Variants in KCNQ1 observed in about 807,000 individuals in gnomAD.
KCNQ1 encodes the protein potassium voltage-gated channel subfamily Q member 1, also known as potassium voltage-gated channel subfamily KQT member 1.
Under a neutral mutation model 72.4 loss-of-function variants are expected in KCNQ1, and 49 were observed. That is an observed-to-expected ratio of 0.68 (90% CI 0.54 to 0.86). The LOEUF is 0.86. Among genes scored for constraint, KCNQ1 ranks in the 40% least tolerant of loss-of-function variants. KCNQ1 has a pLI of 0.00. For missense variants in KCNQ1, 790 were observed against 945.1 expected (o/e 0.84, Z 2.15); for synonymous variants, 450 against 412.6 (o/e 1.09, Z -1.10).
rs1375762148 is a variant in KCNQ1, at chr11:2,593,605, A to G, written c.1393+4751A>G. 6.6e-6 allele frequency among the ~76,000 whole-genome samples: 1 copy of G among 152,182 alleles called. No individual in the cohort carries two copies. Among genetic ancestry groups the G allele is most frequent in the East Asian group, 1.9e-4 (1 of 5,182 alleles). Reference sequence around the variant, plus strand: ...GGGGCAGCGTGCTGGAGGAGCATGCATCACATACCCAGAGGTCCCCAGTGT... The same window carrying G: ...GGGGCAGCGTGCTGGAGGAGCATGCGTCACATACCCAGAGGTCCCCAGTGT... On this transcript the variant is annotated intron_variant, in intron 10 of 15. Transcript: ENST00000155840. This position sits in a 1 kb window ranked among gnomAD's most constrained non-coding sequence, Gnocchi z 6.9.
Position 2,662,094 on chromosome 11 carries a change from A to T in KCNQ1, c.1514+13A>T. On this transcript the variant is annotated intron_variant, in intron 11 of 15. Coordinates refer to ENST00000155840, the MANE Select transcript of KCNQ1 (RefSeq NM_000218.3). ...CCCACATCTCACAGTGAGTGCCTAC[A>T]TGTGCGTGAAGGGCTGGGCTGGAGG... is the stretch of plus-strand genomic sequence containing the variant. 6.2e-7 allele frequency: 1 copy of T among 1,614,146 alleles called. No individual in the cohort carries two copies.
chr11:2,628,839 C>G, intron 10 of KCNQ1: 1 of 398,264 alleles, frequency 2.5e-6, no homozygotes, highest in Non-Finnish European at 4.4e-6. Flanking sequence ...ATGTGGATAT[C>G]CTGGTTTCAC....
Position 2,613,400 on chromosome 11 carries a change from A to G in KCNQ1, c.1393+24546A>G. On this transcript the variant is annotated intron_variant, in intron 10 of 15. Coordinates refer to ENST00000155840, the MANE Select transcript of KCNQ1 (RefSeq NM_000218.3). This position sits in a 1 kb window ranked among gnomAD's most constrained non-coding sequence, Gnocchi z 4.8. Reference sequence around the variant, plus strand: ...TGTGGGTTGCCTCCAATTATTTGCCACTGAAATCCTTGTTGCTTAACATAG... The same window carrying G: ...TGTGGGTTGCCTCCAATTATTTGCCGCTGAAATCCTTGTTGCTTAACATAG... The G allele has an allele frequency of 2.5e-6, 1 of 398,558 alleles. No individual in the cohort carries two copies. The allele number at this position is 398,558 out of a possible 1,614,324, so 24.7% of individuals were successfully genotyped here.
chr11:2,679,267 C>T lies in KCNQ1; in HGVS notation c.1514+17186C>T. ...CTGTCCCACCCTTGGCTGTGCTCTCCTTTACTAATCCATAGCCAAAGACAG... is the reference window on the plus strand; with the variant it reads ...CTGTCCCACCCTTGGCTGTGCTCTCTTTTACTAATCCATAGCCAAAGACAG... On this transcript the variant is annotated intron_variant, in intron 11 of 15. Coordinates refer to ENST00000155840, the MANE Select transcript of KCNQ1 (RefSeq NM_000218.3). This position sits in a 1 kb window ranked among gnomAD's most constrained non-coding sequence, Gnocchi z 4.8. The T allele has an allele frequency of 2.5e-6, 1 of 398,632 alleles. No individual in the cohort carries two copies. Among genetic ancestry groups the T allele is most frequent in the East Asian group, 3.6e-5 (1 of 28,064 alleles). 24.7% of individuals were successfully genotyped at this position (398,632 alleles called of 1,614,324 possible). A position where few individuals can be genotyped will look rare whatever the true frequency, so the allele number is the denominator to read the frequency against.
In KCNQ1 at chr11:2,762,716, A is replaced by G. The variant is rs961970885; in HGVS notation, c.1515-6128A>G. On this transcript the variant is annotated intron_variant, in intron 11 of 15. Coordinates refer to ENST00000155840, the MANE Select transcript of KCNQ1 (RefSeq NM_000218.3). The surrounding 1 kb of genome is among the most constrained non-coding windows in gnomAD (Gnocchi z 4.3). The stretch of plus-strand genomic sequence containing the variant: ...AGCGCGAACCCTGTTGTGAATGCAC[A>G]TGTGAGGGGTCTAGGCTGTGTACTC... Among the ~76,000 whole-genome samples the G allele has an allele frequency of 6.6e-6, 1 of 152,230 alleles. No homozygotes were observed. The highest frequency in any genetic ancestry group is 2.4e-5 in the African/African-American group (1 of 41,464).
chr11:2,622,985 C>T (rs1016216331), intron 10 of KCNQ1: 2 of 398,416 alleles, frequency 5.0e-6, no homozygotes, highest in African/African-American at 4.1e-5. Context: ...GCTCTGTGTT[C>T]CCACCCAAAT....
rs1014269551 is a variant in KCNQ1 at position 2,828,843 on chromosome 11, C to T, written c.1795-18924C>T. Among the ~76,000 whole-genome samples the T allele has an allele frequency of 2.0e-5, 3 of 152,184 alleles. No individual in the cohort carries two copies. Among genetic ancestry groups the T allele is most frequent in the Non-Finnish European group, 4.4e-5 (3 of 68,036 alleles). ...GGGCACACCATTGTTTTCAGAACAC[C>T]AGCAATAAAGCAGACACTCCACATT... is the stretch of plus-strand genomic sequence containing the variant. On this transcript the variant is annotated intron_variant, in intron 15 of 15. Coordinates refer to ENST00000155840, the MANE Select transcript of KCNQ1 (RefSeq NM_000218.3). This position sits in a 1 kb window ranked among gnomAD's most constrained non-coding sequence, Gnocchi z 5.3.
In KCNQ1 at chr11:2,483,101, CTG is replaced by C. The variant is rs1846679375; in HGVS notation, c.386+37618_386+37619del. Among the ~76,000 whole-genome samples the C allele has an allele frequency of 2.6e-5, 4 of 152,128 alleles. No individual in the cohort carries two copies. Among genetic ancestry groups the C allele is most frequent in the Non-Finnish European group, 5.9e-5 (4 of 68,026 alleles). ...TTGAGGGAGTGGGTGGTGTGTGCTT[CTG>C]CAGGAAGAGCACCCAGACAGAGGGC... On this transcript the variant is annotated intron_variant, in intron 1 of 15. Coordinates refer to ENST00000155840, the MANE Select transcript of KCNQ1 (RefSeq NM_000218.3). The surrounding 1 kb of genome is among the most constrained non-coding windows in gnomAD (Gnocchi z 6.1).
intron 15 of KCNQ1, among the ~76,000 whole-genome samples, chr11:2,780,988 C>T (rs1447860916): frequency 2.6e-5 from 4 of 152,154 alleles, no homozygotes; most frequent in Non-Finnish European, 5.9e-5. Context: ...TAGGTTCTGC[C>T]TCACTCCAGG....
chr11:2,620,986 T>A lies in KCNQ1; in HGVS notation c.1393+32132T>A. 2.5e-6 allele frequency: 1 copy of A among 397,958 alleles called. No individual in the cohort carries two copies. Among genetic ancestry groups the A allele is most frequent in the Non-Finnish European group, 4.4e-6 (1 of 226,032 alleles). The allele number at this position is 397,958 out of a possible 1,614,324, so 24.7% of individuals were successfully genotyped here. On this transcript the variant is annotated intron_variant, in intron 10 of 15. Transcript: ENST00000155840. This position sits in a 1 kb window ranked among gnomAD's most constrained non-coding sequence, Gnocchi z 4.5. ...TGTTTTTTGCTTTTTTGTTTGTTTG[T>A]TTGTTTTTTGAGAAAGAGTCTTGCT...
intron 15 of KCNQ1, among the ~76,000 whole-genome samples, chr11:2,821,361 T>G (rs1847733955): frequency 1.3e-5 from 2 of 152,176 alleles, no homozygotes. Flanking sequence ...ATGGTGCCCA[T>G]GGGGTCACGC....
chr11:2,505,258 T>A (rs1847083998), intron 1 of KCNQ1, among the ~76,000 whole-genome samples: 1 of 152,232 alleles, frequency 6.6e-6, no homozygotes, highest in African/African-American at 2.4e-5. Flanking sequence ...AAGAGTATGT[T>A]GTTTCATTTC....
chr11:2,700,554 T>G (rs1850789239), intron 11 of KCNQ1, among the ~76,000 whole-genome samples: 1 of 151,094 alleles, frequency 6.6e-6, no homozygotes, highest in Non-Finnish European at 1.5e-5. Context: ...CGGGAGGCGT[T>G]TTCCCCCCTC....
intron 10 of KCNQ1, chr11:2,643,006 T>C (rs1338570771): frequency 7.5e-6 from 3 of 398,014 alleles, no homozygotes; most frequent in Non-Finnish European, 8.9e-6. Flanking sequence ...TATGCTATTG[T>C]GGTCTGAGAA....
chr11:2,657,215 C>G lies in KCNQ1; in HGVS notation c.1394-4746C>G, dbSNP rs554303726. The G allele has an allele frequency of 4.9e-4, 195 of 398,620 alleles. No homozygotes were observed. The Middle Eastern group carries it at 5.7e-3, about 12-fold the overall frequency. 24.7% of individuals were successfully genotyped at this position (398,620 alleles called of 1,614,324 possible). On this transcript the variant is annotated intron_variant, in intron 10 of 15. Coordinates refer to ENST00000155840, the MANE Select transcript of KCNQ1 (RefSeq NM_000218.3). This position sits in a 1 kb window ranked among gnomAD's most constrained non-coding sequence, Gnocchi z 4.8. Reference sequence around the variant, plus strand: ...GCCAATTCTTGGCTTTTTGCACTTCCAAGTCGCAGTTAGAATCAGCTTGCC... The same window carrying G: ...GCCAATTCTTGGCTTTTTGCACTTCGAAGTCGCAGTTAGAATCAGCTTGCC...
intron 15 of KCNQ1, among the ~76,000 whole-genome samples, chr11:2,841,532 C>G (rs543267030): frequency 4.6e-5 from 7 of 152,312 alleles, no homozygotes; most frequent in Non-Finnish European, 7.3e-5. Context: ...CAGGTGCACA[C>G]CAGGGACCCT....
chr11:2,650,068 C>T lies in KCNQ1; in HGVS notation c.1394-11893C>T, dbSNP rs183784012. On this transcript the variant is annotated intron_variant, in intron 10 of 15. Coordinates refer to ENST00000155840, the MANE Select transcript of KCNQ1 (RefSeq NM_000218.3). Reference sequence around the variant, plus strand: ...AATTATTTCTTCTGCTTGACTTAGCCGGCTTTTGAAGCTTTCAATTGTATT... The same window carrying T: ...AATTATTTCTTCTGCTTGACTTAGCTGGCTTTTGAAGCTTTCAATTGTATT... 6.9e-4 allele frequency: 273 copies of T among 398,258 alleles called. 1 individual carries two copies. The Middle Eastern group carries it at 0.012, about 17-fold the overall frequency. 24.7% of individuals were successfully genotyped at this position (398,258 alleles called of 1,614,324 possible).
intron 10 of KCNQ1, chr11:2,646,929 T>G (rs1423160234): frequency 2.5e-6 from 1 of 398,572 alleles, no homozygotes; most frequent in Non-Finnish European, 4.4e-6. Flanking sequence ...GATTATGCCA[T>G]CTGCAAAGGA....
In KCNQ1 at chr11:2,526,560, G is replaced by C. The variant is rs1847510236; in HGVS notation, c.387-1368G>C. On this transcript the variant is annotated intron_variant, in intron 1 of 15. Coordinates refer to ENST00000155840, the MANE Select transcript of KCNQ1 (RefSeq NM_000218.3). The surrounding 1 kb of genome is among the most constrained non-coding windows in gnomAD (Gnocchi z 6.1). ...GTCCTGTCCACAGGAGCTTGGGGAA[G>C]GGGGTGGGGGGCCAGAGCCCCACCT... Among the ~76,000 whole-genome samples the C allele has an allele frequency of 1.3e-5, 2 of 152,122 alleles. No homozygotes were observed. Among genetic ancestry groups the C allele is most frequent in the Non-Finnish European group, 2.9e-5 (2 of 68,004 alleles).
Sources: allele counts gnomAD v4.1 joint callset (sites outside exome capture counted in the v4.1 genomes callset), GRCh38; gene constraint gnomAD v4.1.1; non-coding constraint Gnocchi (gnomAD v3.1); transcripts MANE v1.5; gene names NCBI Gene and HGNC (gene_info 2026-07-23, HGNC 2026-07-21).